ADGRA3: variants seen among roughly 807,000 people sequenced by gnomAD.
The protein encoded by ADGRA3 is adhesion G protein-coupled receptor A3, also known as G-protein coupled receptor 125.
A neutral mutation model predicts 119.8 loss-of-function variants in ADGRA3; 56 were observed. The ratio of observed to expected loss-of-function variants is 0.47; its 90% CI spans 0.38 to 0.58. The LOEUF (loss-of-function observed/expected upper bound fraction) is 0.58. Among genes scored for constraint, ADGRA3 ranks in the 20% least tolerant of loss-of-function variants. The probability of loss-of-function intolerance (pLI) is 0.00; values close to 1 mark genes in which losing one functional copy is unlikely to be tolerated. For missense variants in ADGRA3, 1,516 were observed against 1,649.0 expected, an observed-to-expected ratio of 0.92 and a Z score of 1.40; for synonymous variants, 607 against 623.8, an observed-to-expected ratio of 0.97 and a Z score of 0.40.
At chr4:22,509,749 G>A (rs951321138) in intron 1 of ADGRA3, among the ~76,000 whole-genome samples, 2 of 151,822 alleles carry the variant, frequency 1.3e-5, no homozygotes, top group Non-Finnish European at 2.9e-5. Flanking sequence ...GGTGGCTCAC[G>A]CCTGTAATCC....
At chr4:22,433,350 T>A (rs546495732) in intron 10 of ADGRA3, among the ~76,000 whole-genome samples, 3 of 152,320 alleles carry the variant, frequency 2.0e-5, no homozygotes, top group South Asian at 2.1e-4. Context: ...TTATATTTCA[T>A]AACCTAATAA....
At chr4:22,457,046 T>G (rs1474481922) in intron 3 of ADGRA3, among the ~76,000 whole-genome samples, 1 of 152,204 alleles carries the variant, frequency 6.6e-6, no homozygotes, top group East Asian at 1.9e-4. Context: ...TAATCTTGTC[T>G]CAATTCTGAG....
At chr4:22,485,601 T>C (rs1165893265) in intron 1 of ADGRA3, among the ~76,000 whole-genome samples, 1 of 152,200 alleles carries the variant, frequency 6.6e-6, no homozygotes, top group East Asian at 1.9e-4. Flanking sequence ...TGCTGGCTCA[T>C]ATTTACAAAT....
At chr4:22,480,619 A>G (rs116581655) in intron 1 of ADGRA3, among the ~76,000 whole-genome samples, 168 of 152,340 alleles carry the variant, frequency 1.1e-3, no homozygotes, top group African/African-American at 3.9e-3. Flanking sequence ...AATTTACCCT[A>G]AAGACATACT....
In ADGRA3 at chr4:22,387,497, A is replaced by C. The variant is rs1006582330; in HGVS notation, c.*208T>G. ...ATGTCCTGTTGGTGCTTTGACAACT[A>C]AAACAATGTTTTAGAAAGATTTTGT... On this transcript the variant is annotated 3_prime_UTR_variant, in exon 19 of 19. Transcript: ENST00000334304. The C allele has an allele frequency of 8.3e-6, 4 of 481,664 alleles. No homozygotes were observed. Among genetic ancestry groups the C allele is most frequent in the African/African-American group, 7.8e-5 (4 of 51,004 alleles). 29.8% of individuals were successfully genotyped at this position (481,664 alleles called of 1,614,324 possible). A position where few individuals can be genotyped will look rare whatever the true frequency, so the allele number is the denominator to read the frequency against.
In ADGRA3 at chr4:22,454,883, G is replaced by A. The variant is rs765945862; in HGVS notation, c.456C>T (p.Leu152=). 1 of 1,613,190 alleles carries A rather than the reference G, an allele frequency of 6.2e-7. No individual in the cohort carries two copies. Among genetic ancestry groups the A allele is most frequent in the Admixed American group, 1.7e-5 (1 of 60,016 alleles). The change falls in exon 4 of 19, where the codon CTC becomes CTT. Residue 152 remains leucine, a synonymous_variant. Coordinates refer to ENST00000334304, the MANE Select transcript of ADGRA3 (RefSeq NM_145290.4). Reference sequence around the variant, plus strand: ...ATACTTACAGCCGAACCAGATTGGTGAGTCCTCGAAATATGTCTGCATTCA... The same window carrying A: ...ATACTTACAGCCGAACCAGATTGGTAAGTCCTCGAAATATGTCTGCATTCA... The part of the protein sequence containing the change: ...GCLNADIFRG[L]TNLVRLNLSG...
At chr4:22,468,000 T>C (rs1219531269) in intron 2 of ADGRA3, among the ~76,000 whole-genome samples, 2 of 152,220 alleles carry the variant, frequency 1.3e-5, no homozygotes, top group East Asian at 1.9e-4. Context: ...CAACTCAAAA[T>C]GGCTTGAACA....
intron 2 of ADGRA3, among the ~76,000 whole-genome samples, chr4:22,462,475 G>A (rs773126968): frequency 1.6e-4 from 24 of 151,948 alleles, no homozygotes; most frequent in Non-Finnish European, 2.8e-4. Context: ...CACCATACCC[G>A]GCTAATTTTT....
intron 17 of ADGRA3, among the ~76,000 whole-genome samples, chr4:22,390,359 TAA>T: frequency 1.0e-5 from 1 of 95,908 alleles, no homozygotes; most frequent in East Asian, 3.0e-4. Context: ...TATATATATA[TAA>T]TACGTATTAT....
At chr4:22,460,158 T>A (rs1296514900) in intron 3 of ADGRA3, among the ~76,000 whole-genome samples, 1 of 152,182 alleles carries the variant, frequency 6.6e-6, no homozygotes, top group East Asian at 1.9e-4. Context: ...GCTGTTCCCA[T>A]TGCAGGTGCT....
At chr4:22,470,433 A>C (rs1717818123) in intron 2 of ADGRA3, among the ~76,000 whole-genome samples, 1 of 152,048 alleles carries the variant, frequency 6.6e-6, no homozygotes, top group Admixed American at 6.6e-5. Context: ...CATGTTCATT[A>C]GTTCAACGGA....
chr4:22,487,904 G>A (rs751128946), intron 1 of ADGRA3, among the ~76,000 whole-genome samples: 2 of 152,182 alleles, frequency 1.3e-5, no homozygotes, highest in African/African-American at 2.4e-5. Context: ...CAGCTGCCAG[G>A]CGCCTGGGAA....
chr4:22,402,897 C>T (rs1714730928), intron 14 of ADGRA3, 98 bp from the exon 15 acceptor site: 1 of 1,171,172 alleles, frequency 8.5e-7, no homozygotes, highest in Admixed American at 2.4e-5. Context: ...TAAACAAAAA[C>T]TCTGGCCCTT....
chr4:22,484,675 G>C (rs933641543), intron 1 of ADGRA3, among the ~76,000 whole-genome samples: 1 of 151,718 alleles, frequency 6.6e-6, no homozygotes, highest in Non-Finnish European at 1.5e-5. Context: ...ATGGTTAAGT[G>C]ATTCAGCATG....
At chr4:22,491,751 T>C (rs1052484612) in intron 1 of ADGRA3, among the ~76,000 whole-genome samples, 93 of 152,352 alleles carry the variant, frequency 6.1e-4, no homozygotes, top group African/African-American at 2.0e-3. Context: ...CTTGTTCTTG[T>C]TGTATCTGGA....
chr4:22,435,476 A>G lies in ADGRA3; in HGVS notation c.1288-10T>C, dbSNP rs200991112. 5 of 1,574,146 alleles carry G rather than the reference A, an allele frequency of 3.2e-6. No homozygotes were observed. The African/African-American group carries it at 4.0e-5, about 13-fold the overall frequency. The stretch of plus-strand genomic sequence containing the variant: ...TAAGATTGAGGGGCATCTACATTTC[A>G]AAGGCAAAAATGATCAACAAAACAG... On this transcript the variant is annotated splice_polypyrimidine_tract_variant and intron_variant, in intron 9 of 18. Coordinates refer to ENST00000334304, the MANE Select transcript of ADGRA3 (RefSeq NM_145290.4).
At chr4:22,482,454 G>T (rs1718286228) in intron 1 of ADGRA3, among the ~76,000 whole-genome samples, 1 of 150,116 alleles carries the variant, frequency 6.7e-6, no homozygotes, top group African/African-American at 2.5e-5. Flanking sequence ...CCAGGAGTTA[G>T]AGACCAGCCT....
intron 4 of ADGRA3, among the ~76,000 whole-genome samples, chr4:22,449,030 G>C (rs1306492695): frequency 2.6e-5 from 4 of 152,070 alleles, no homozygotes; most frequent in African/African-American, 4.8e-5. Flanking sequence ...AGCAATTTGG[G>C]AGGGCTGAGG....
At chr4:22,489,369 G>C (rs1397141708) in intron 1 of ADGRA3, among the ~76,000 whole-genome samples, 1 of 152,080 alleles carries the variant, frequency 6.6e-6, no homozygotes, top group African/African-American at 2.4e-5. Context: ...ACCATATCAG[G>C]AATGATGAAA....
Sources: gnomAD v4.1 joint callset for allele counts (sites outside exome capture counted in the v4.1 genomes callset) on GRCh38, gnomAD v4.1.1 for gene constraint, MANE v1.5 for transcripts, NCBI Gene and HGNC (gene_info 2026-07-23, HGNC 2026-07-21) for gene names.